MSRB3: variants seen among roughly 807,000 people sequenced by gnomAD.
MSRB3 encodes methionine-R-sulfoxide reductase B3.
A neutral mutation model predicts 21.0 loss-of-function variants in MSRB3; 13 were observed. That is an observed-to-expected ratio of 0.62 (90% confidence interval 0.40 to 0.98). The LOEUF (loss-of-function observed/expected upper bound fraction) is 0.98, where lower values mean the gene tolerates loss of function less well. Among genes scored for constraint, MSRB3 ranks in the 50% least tolerant of loss-of-function variants. The pLI, the probability that MSRB3 is intolerant of heterozygous loss-of-function variation, is 0.00. For missense variants in MSRB3, 199 were observed against 230.3 expected (o/e 0.86, Z 0.88); for synonymous variants, 87 against 88.6 (o/e 0.98, Z 0.10).
chr12:65,405,360 G>A lies in MSRB3; in HGVS notation c.292+36334G>A, dbSNP rs557155810. Among the ~76,000 whole-genome samples, 13 of 151,826 alleles carry A rather than the reference G, an allele frequency of 8.6e-5. No individual in the cohort carries two copies. The East Asian group carries it at 1.4e-3, about 16-fold the overall frequency. On this transcript the variant is annotated intron_variant, in intron 5 of 6. Transcript: ENST00000308259. The stretch of plus-strand genomic sequence containing the variant: ...AGTTTACATAATGTCCTCTAGGTTC[G>A]TCTATGTTGTTGTCCCTAATGACAG...
chr12:65,310,096 T>C (rs937557201), intron 2 of MSRB3, among the ~76,000 whole-genome samples: 3 of 152,152 alleles, frequency 2.0e-5, no homozygotes, highest in African/African-American at 7.2e-5. Context: ...AAGGTATTTG[T>C]CTTGAAGCTA....
rs967883006 is a variant in MSRB3 at position 65,437,639 on chromosome 12, G to GA, written c.293-16079dup. Among the ~76,000 whole-genome samples, 25 of 147,168 alleles carry GA rather than the reference G, an allele frequency of 1.7e-4. 1 individual carries two copies. The highest frequency in any genetic ancestry group is 2.2e-4 in the African/African-American group (9 of 40,250). On this transcript the variant is annotated intron_variant, in intron 5 of 6. Coordinates refer to ENST00000308259, the MANE Select transcript of MSRB3 (RefSeq NM_001031679.3). ...AGTAGACAGACGACAACTAAACCAA[G>GA]AAAAAAAAAAGCCAGCTGTCATGAC...
chr12:65,396,705 AAAGAAAGAAAG>A (rs1879821651), intron 5 of MSRB3, among the ~76,000 whole-genome samples: 2 of 12,188 alleles, frequency 1.6e-4, no homozygotes, highest in Non-Finnish European at 4.0e-4. Flanking sequence ...AAAAAAAAAA[AAAGAAAGAAAG>A]AAAGAAAGAA....
chr12:65,355,815 C>T (rs1877350318), intron 4 of MSRB3, among the ~76,000 whole-genome samples: 5 of 151,864 alleles, frequency 3.3e-5, no homozygotes, highest in Admixed American at 3.3e-4. Flanking sequence ...CCCAGCAGCA[C>T]TGACTGACCA....
chr12:65,301,342 A>G (rs1873319564), intron 1 of MSRB3, among the ~76,000 whole-genome samples: 1 of 152,198 alleles, frequency 6.6e-6, no homozygotes, highest in Admixed American at 6.5e-5. Flanking sequence ...CTTGGATCAA[A>G]GTTGGTGCTA....
chr12:65,403,162 C>A (rs978756778), intron 5 of MSRB3, among the ~76,000 whole-genome samples: 4 of 152,234 alleles, frequency 2.6e-5, no homozygotes, highest in African/African-American at 9.6e-5. Context: ...CTCTTCAGAG[C>A]TGGCAGGCAG....
intron 5 of MSRB3, among the ~76,000 whole-genome samples, chr12:65,421,644 A>G (rs575235082): frequency 6.6e-6 from 1 of 152,314 alleles, no homozygotes; most frequent in Admixed American, 6.5e-5. Flanking sequence ...TCTTCAGTGA[A>G]GGAGAAATAA....
At chr12:65,443,845 A>G (rs1026555267) in intron 5 of MSRB3, among the ~76,000 whole-genome samples, 2 of 152,080 alleles carry the variant, frequency 1.3e-5, no homozygotes, top group African/African-American at 4.8e-5. Flanking sequence ...CTGGACCCCT[A>G]AATAATAATG....
intron 6 of MSRB3, 128 bp from the exon 7 acceptor site, chr12:65,463,027 G>A: frequency 8.4e-7 from 1 of 1,185,152 alleles, no homozygotes; most frequent in Non-Finnish European, 1.2e-6. Flanking sequence ...AGGCGGATTA[G>A]AAATCATCCA....
At chr12:65,409,920 G>A (rs554414313) in intron 5 of MSRB3, among the ~76,000 whole-genome samples, 1 of 152,014 alleles carries the variant, frequency 6.6e-6, no homozygotes, top group Non-Finnish European at 1.5e-5. Flanking sequence ...GGTAATTGTT[G>A]CCAAATTCTT....
intron 5 of MSRB3, among the ~76,000 whole-genome samples, chr12:65,452,392 T>A (rs1882895710): frequency 6.6e-6 from 1 of 152,194 alleles, no homozygotes; most frequent in Non-Finnish European, 1.5e-5. Context: ...AACCCCTAAA[T>A]GTGTCAAGTA....
chr12:65,298,573 T>G (rs6581624), intron 1 of MSRB3, among the ~76,000 whole-genome samples: 12,999 of 152,184 alleles, frequency 0.085, 1,916 homozygotes, highest in African/African-American at 0.3. Context: ...TGTCAAAGGA[T>G]AGTTGATAGA....
rs1046052186 is a variant in MSRB3 at position 65,450,769 on chromosome 12, C to G, written c.293-2959C>G. ...GATTGCTTTAGTCTCTGCCTATTAC[C>G]CTTTGAAGCACTTTCCTTATTATTA... On this transcript the variant is annotated intron_variant, in intron 5 of 6. Coordinates refer to ENST00000308259, the MANE Select transcript of MSRB3 (RefSeq NM_001031679.3). Among the ~76,000 whole-genome samples the G allele has an allele frequency of 2.0e-5, 3 of 152,258 alleles. No homozygotes were observed. In the East Asian group the frequency reaches 5.8e-4, roughly 29 times the overall value.
intron 2 of MSRB3, among the ~76,000 whole-genome samples, chr12:65,321,012 T>C (rs1874627770): frequency 6.6e-6 from 1 of 152,178 alleles, no homozygotes; most frequent in African/African-American, 2.4e-5. Flanking sequence ...CCTCTCCTCC[T>C]TCAGGGCTTT....
intron 5 of MSRB3, among the ~76,000 whole-genome samples, chr12:65,423,004 C>T (rs547178340): frequency 3.3e-4 from 47 of 144,232 alleles, no homozygotes; most frequent in African/African-American, 1.1e-3. Flanking sequence ...CTCTTGTTGC[C>T]CAGGCTGGAG....
At chr12:65,419,437 G>C in intron 5 of MSRB3, 3 of 748,514 alleles carry the variant, frequency 4.0e-6, no homozygotes, top group Non-Finnish European at 7.4e-6. Flanking sequence ...CTGCAGCTGA[G>C]TGACACTGGT....
At chr12:65,458,729 C>A (rs1334198842) in intron 6 of MSRB3, among the ~76,000 whole-genome samples, 1 of 152,186 alleles carries the variant, frequency 6.6e-6, no homozygotes, top group Non-Finnish European at 1.5e-5. Context: ...AGAGGATCTT[C>A]ATCTTAAATT....
chr12:65,463,957 C>CTTAAT lies in MSRB3; in HGVS notation c.*637_*638insAATTT, dbSNP rs1555215709. The CTTAAT allele has an allele frequency of 1.3e-5, 2 of 152,496 alleles. No homozygotes were observed. The allele number at this position is 152,496 out of a possible 1,614,324, so 9.4% of individuals were successfully genotyped here. ...AGTAAACATTACCACACTGTTAGGCCTTTATTTTATTTTATTTTCCATCGA... is the reference window on the plus strand; with the variant it reads ...AGTAAACATTACCACACTGTTAGGCCTTAATTTTATTTTATTTTATTTTCCATCGA... On this transcript the variant is annotated 3_prime_UTR_variant, in exon 7 of 7. Transcript: ENST00000308259.
intron 4 of MSRB3, among the ~76,000 whole-genome samples, chr12:65,353,857 C>G (rs1223472641): frequency 1.3e-5 from 2 of 151,780 alleles, no homozygotes; most frequent in Non-Finnish European, 2.9e-5. Flanking sequence ...TTTGCAGCGG[C>G]TGGTACTGGT....
Sources: gnomAD v4.1 joint callset for allele counts (sites outside exome capture counted in the v4.1 genomes callset) on GRCh38, gnomAD v4.1.1 for gene constraint, MANE v1.5 for transcripts, NCBI Gene and HGNC (gene_info 2026-07-23, HGNC 2026-07-21) for gene names.